The following PRDM10 variants were observed in gnomAD, a reference collection of about 807,000 sequenced individuals.
PRDM10 encodes the protein PR/SET domain 10, also known as PR domain zinc finger protein 10.
A neutral mutation model predicts 133.1 loss-of-function variants in PRDM10; 65 were observed. The observed-to-expected ratio is 0.49, with a 90% CI of 0.40 to 0.60. The LOEUF (loss-of-function observed/expected upper bound fraction) is 0.60, where lower values mean the gene tolerates loss of function less well. Ranked by LOEUF, PRDM10 falls within the 20% of genes least tolerant of loss-of-function variation. The probability of loss-of-function intolerance (pLI) is 0.00; values close to 1 mark genes in which losing one functional copy is unlikely to be tolerated. For missense variants in PRDM10, 1,137 were observed against 1,507.1 expected (o/e 0.75, Z 4.07); for synonymous variants, 582 against 580.4 (o/e 1.00, Z -0.04).
At chr11:129,938,469 C>A (rs1269303840) in intron 7 of PRDM10, among the ~76,000 whole-genome samples, 1 of 152,190 alleles carries the variant, frequency 6.6e-6, no homozygotes, top group South Asian at 2.1e-4. Context: ...CCGCTTGCTT[C>A]TATATGCCTT....
chr11:129,999,258 A>G (rs1343005538), intron 1 of PRDM10, among the ~76,000 whole-genome samples: 1 of 152,232 alleles, frequency 6.6e-6, no homozygotes, highest in South Asian at 2.1e-4. Flanking sequence ...ATAAGTCACG[A>G]AAAGTTCCCC....
intron 4 of PRDM10, among the ~76,000 whole-genome samples, chr11:129,951,268 T>C (rs1951574915): frequency 6.6e-6 from 1 of 152,220 alleles, no homozygotes; most frequent in Admixed American, 6.5e-5. Context: ...GTGGCAGAGA[T>C]GAAGTCTAAA....
chr11:129,958,337 C>A (rs1038185593), intron 2 of PRDM10, among the ~76,000 whole-genome samples: 2 of 152,132 alleles, frequency 1.3e-5, no homozygotes, highest in African/African-American at 4.8e-5. Context: ...TTTCAGCAGA[C>A]ACATTAAAAT....
At chr11:129,936,801 G>C (rs556996630) in intron 8 of PRDM10, among the ~76,000 whole-genome samples, 1 of 152,300 alleles carries the variant, frequency 6.6e-6, no homozygotes, top group East Asian at 1.9e-4. Flanking sequence ...TCTGAAGTCA[G>C]GGGTGTCTTG....
chr11:129,972,918 C>A (rs1222796172), intron 1 of PRDM10, among the ~76,000 whole-genome samples: 1 of 152,180 alleles, frequency 6.6e-6, no homozygotes, highest in Non-Finnish European at 1.5e-5. Context: ...ACATAAAACT[C>A]GTCCTTCAAA....
intron 4 of PRDM10, among the ~76,000 whole-genome samples, chr11:129,949,136 G>A (rs1299648092): frequency 6.6e-6 from 1 of 152,162 alleles, no homozygotes; most frequent in Non-Finnish European, 1.5e-5. Context: ...CTATTTTGGT[G>A]ATGAGTATGC....
At chr11:130,000,933 C>T (rs1939328151) in intron 1 of PRDM10, among the ~76,000 whole-genome samples, 1 of 152,066 alleles carries the variant, frequency 6.6e-6, no homozygotes, top group Admixed American at 6.6e-5. Context: ...ATGATGAAAC[C>T]CCGTTTCTAC....
intron 1 of PRDM10, among the ~76,000 whole-genome samples, chr11:129,981,927 C>T (rs1238476574): frequency 6.6e-6 from 1 of 151,608 alleles, no homozygotes; most frequent in East Asian, 1.9e-4. Context: ...ATAAATATTC[C>T]CCTGATGGAA....
intron 3 of PRDM10, among the ~76,000 whole-genome samples, chr11:129,956,809 A>G (rs529778856): frequency 6.6e-6 from 1 of 152,358 alleles, no homozygotes; most frequent in South Asian, 2.1e-4. Context: ...TTTATTGAAT[A>G]TCAAATGAGG....
chr11:129,967,039 T>C (rs1951920642), intron 1 of PRDM10, among the ~76,000 whole-genome samples: 1 of 152,180 alleles, frequency 6.6e-6, no homozygotes, highest in Non-Finnish European at 1.5e-5. Context: ...AATCAATGTC[T>C]AAACGAATCT....
intron 2 of PRDM10, among the ~76,000 whole-genome samples, chr11:129,958,315 AC>A (rs1951734781): frequency 6.6e-6 from 1 of 152,206 alleles, no homozygotes; most frequent in African/African-American, 2.4e-5. Flanking sequence ...CTATTTTATA[AC>A]TAATAGTGTC....
At position 129,933,066 on chromosome 11, in the gene PRDM10, G is replaced by A. The variant is rs561365109; in HGVS notation, c.1158-835C>T. Among the ~76,000 whole-genome samples the A allele has an allele frequency of 6.6e-5, 10 of 152,286 alleles. No individual in the cohort carries two copies. The South Asian group carries it at 2.1e-3, about 32-fold the overall frequency. On this transcript the variant is annotated intron_variant, in intron 9 of 20. Transcript: ENST00000360871. The stretch of plus-strand genomic sequence containing the variant: ...TGAGCCACCATGCCTGGCATGAATT[G>A]CCAACAAACACAAATTCCTTAATAA...
intron 8 of PRDM10, 85 bp downstream of exon 8, chr11:129,937,511 CAA>C: frequency 1.1e-5 from 12 of 1,096,892 alleles, no homozygotes; most frequent in African/African-American, 3.4e-5. Context: ...TATACTGAGA[CAA>C]AAAAAAAATT....
chr11:129,940,498 TTAAATA>T (rs1222910578), intron 7 of PRDM10, among the ~76,000 whole-genome samples: 30 of 152,248 alleles, frequency 2.0e-4, no homozygotes, highest in African/African-American at 7.0e-4. Context: ...TTTTGCTAAT[TTAAATA>T]TAAATAGTAG....
Position 129,931,032 on chromosome 11 carries a change from C to T in PRDM10, c.1514G>A (p.Arg505Lys), listed in dbSNP as rs544661352. 4 of 1,612,602 alleles carry T rather than the reference C, an allele frequency of 2.5e-6. No homozygotes were observed. The African/African-American group carries it at 5.3e-5, about 21-fold the overall frequency. Residue 505 changes from arginine to lysine, a missense_variant, in exon 11 of 21, where the codon AGA becomes AAA. This residue lies in a region of PRDM10 where 635 missense variants were observed against 835.2 expected (regional missense o/e 0.76). Transcript: ENST00000360871. ...CCCACTTACTCGGATGCGCTTGGCT[C>T]TGCGCATGTCGTCGGCTGTCAGCGT... ...QSTLTADDMR[R>K]AKRIRNAALQ... is the part of the protein sequence containing the mutation.
intron 4 of PRDM10, among the ~76,000 whole-genome samples, chr11:129,955,288 C>A (rs563309975): frequency 1.3e-4 from 20 of 152,246 alleles, no homozygotes; most frequent in African/African-American, 4.3e-4. Flanking sequence ...TAAAAAATTT[C>A]TCTGACAAAT....
chr11:129,972,731 T>C (rs746234295), intron 1 of PRDM10, among the ~76,000 whole-genome samples: 3 of 152,218 alleles, frequency 2.0e-5, no homozygotes, highest in African/African-American at 2.4e-5. Flanking sequence ...ACACTGTTTA[T>C]CTTAGCTTTG....
At chr11:129,970,741 T>C (rs528062699) in intron 1 of PRDM10, among the ~76,000 whole-genome samples, 101 of 152,158 alleles carry the variant, frequency 6.6e-4, no homozygotes, top group Non-Finnish European at 2.5e-4. Flanking sequence ...AGACGGGGTT[T>C]CACGATGTTG....
chr11:129,973,753 A>T (rs978484732), intron 1 of PRDM10, among the ~76,000 whole-genome samples: 10 of 152,258 alleles, frequency 6.6e-5, no homozygotes, highest in South Asian at 2.1e-4. Context: ...ACGATTTTTT[A>T]AAAAAATCAT....
Sources: gnomAD v4.1 joint callset for allele counts (sites outside exome capture counted in the v4.1 genomes callset) on GRCh38, gnomAD v4.1.1 for gene constraint, gnomAD v4.1.1 regional missense constraint, MANE v1.5 for transcripts, NCBI Gene and HGNC (gene_info 2026-07-23, HGNC 2026-07-21) for gene names.